Variants in FHIT observed in about 807,000 individuals in gnomAD.
The protein encoded by FHIT is fragile histidine triad diadenosine triphosphatase, also known as bis(5'-adenosyl)-triphosphatase.
Under a neutral mutation model 17.9 loss-of-function variants are expected in FHIT, and 19 were observed. The ratio of observed to expected loss-of-function variants is 1.06; its 90% confidence interval spans 0.74 to 1.56. The LOEUF (loss-of-function observed/expected upper bound fraction) is 1.56, where lower values mean the gene tolerates loss of function less well. Among genes scored for constraint, FHIT ranks in the 40% most tolerant of loss-of-function variants. FHIT has a pLI of 0.00. For synonymous variants in FHIT, 81 were observed against 69.7 expected, an observed-to-expected ratio of 1.16 and a Z score of -0.81; for missense variants, 248 against 189.2, an observed-to-expected ratio of 1.31 and a Z score of -1.82.
At chr3:60,547,547 A>C (rs565317281) in intron 4 of FHIT, among the ~76,000 whole-genome samples, 1 of 152,262 alleles carries the variant, frequency 6.6e-6, no homozygotes, top group East Asian at 1.9e-4. Flanking sequence ...ATATGATTTC[A>C]ACATTCTTAA....
intron 3 of FHIT, among the ~76,000 whole-genome samples, chr3:61,004,607 G>C (rs2031319209): frequency 6.6e-6 from 1 of 152,164 alleles, no homozygotes; most frequent in Non-Finnish European, 1.5e-5. Flanking sequence ...TATCTGCTTT[G>C]ATAGAGGAAC....
At chr3:60,899,025 C>T (rs1237374301) in intron 3 of FHIT, among the ~76,000 whole-genome samples, 1 of 152,156 alleles carries the variant, frequency 6.6e-6, no homozygotes, top group Non-Finnish European at 1.5e-5. Flanking sequence ...CAATAACATG[C>T]ATTTTTTTTC....
chr3:60,139,599 T>C (rs1176782128), intron 5 of FHIT, among the ~76,000 whole-genome samples: 2 of 152,156 alleles, frequency 1.3e-5, no homozygotes, highest in African/African-American at 2.4e-5. Flanking sequence ...ATTCATGTTC[T>C]TGCCTGCTTT....
intron 4 of FHIT, among the ~76,000 whole-genome samples, chr3:60,739,699 C>T (rs1302030564): frequency 2.0e-5 from 3 of 152,208 alleles, no homozygotes; most frequent in Non-Finnish European, 4.4e-5. Flanking sequence ...TGCCATATGT[C>T]TCTCAAGAGC....
At chr3:60,789,951 G>A (rs1298928847) in intron 4 of FHIT, among the ~76,000 whole-genome samples, 1 of 152,196 alleles carries the variant, frequency 6.6e-6, no homozygotes, top group Non-Finnish European at 1.5e-5. Context: ...TTTCCCAGAA[G>A]TGTAGCGTCA....
chr3:60,710,419 C>T (rs574716537), intron 4 of FHIT, among the ~76,000 whole-genome samples: 15 of 152,292 alleles, frequency 9.8e-5, no homozygotes, highest in South Asian at 2.1e-4. Flanking sequence ...AGACAGTGGG[C>T]GCAGGAGAGT....
chr3:59,836,521 T>C (rs1400086042), intron 8 of FHIT, among the ~76,000 whole-genome samples: 1 of 152,194 alleles, frequency 6.6e-6, no homozygotes, highest in African/African-American at 2.4e-5. Flanking sequence ...CCTCTGCACA[T>C]GCCATATGAG....
At chr3:59,754,900 A>T (rs2106748096) in intron 8 of FHIT, among the ~76,000 whole-genome samples, 1 of 152,230 alleles carries the variant, frequency 6.6e-6, no homozygotes, top group South Asian at 2.1e-4. Context: ...AGCGGCACTC[A>T]ACCCTGGTTG....
chr3:60,503,462 G>C (rs1040108555), intron 5 of FHIT, among the ~76,000 whole-genome samples: 3 of 152,064 alleles, frequency 2.0e-5, no homozygotes, highest in Non-Finnish European at 4.4e-5. Context: ...AGTTTTCTTT[G>C]AATACTTCAC....
At chr3:60,301,937 G>T (rs995112475) in intron 5 of FHIT, among the ~76,000 whole-genome samples, 1 of 151,998 alleles carries the variant, frequency 6.6e-6, no homozygotes, top group African/African-American at 2.4e-5. Flanking sequence ...ATTAAAAACT[G>T]TAAGAGTAAC....
At chr3:59,857,872 G>A (rs796447683) in intron 8 of FHIT, among the ~76,000 whole-genome samples, 19 of 152,228 alleles carry the variant, frequency 1.2e-4, no homozygotes, top group African/African-American at 3.9e-4. Context: ...GAGAAACCAG[G>A]TGGTGAAAGA....
At position 60,575,798 on chromosome 3, in the gene FHIT, G is replaced by C. The variant is rs115840491; in HGVS notation, c.-17-38819C>G. ...TTCACATGAAGAGTTGTGAATGAAA[G>C]TATGAGCAGTGCAAAGGAACAATGA... is the stretch of plus-strand genomic sequence containing the variant. On this transcript the variant is annotated intron_variant, in intron 4 of 9. Transcript: ENST00000492590. Among the ~76,000 whole-genome samples the C allele has an allele frequency of 5.5e-3, 838 of 152,224 alleles. 4 individuals carry two copies. Among genetic ancestry groups the C allele is most frequent in the African/African-American group, 0.019 (805 of 41,548 alleles).
In FHIT at chr3:61,138,384, A is replaced by T. The variant is rs76667544; in HGVS notation, c.-164+62233T>A. On this transcript the variant is annotated intron_variant, in intron 2 of 9. Coordinates refer to ENST00000492590, the MANE Select transcript of FHIT (RefSeq NM_002012.4). ...GGCCATGGGCTGAGCAGACACCAGAAACAAAAACCTGCTACAGCCACTAAC... is the reference window on the plus strand; with the variant it reads ...GGCCATGGGCTGAGCAGACACCAGATACAAAAACCTGCTACAGCCACTAAC... Among the ~76,000 whole-genome samples, 3,863 of 152,250 alleles carry T rather than the reference A, an allele frequency of 0.025. 281 individuals are homozygous for T. The East Asian group carries it at 0.28, about 11-fold the overall frequency.
intron 8 of FHIT, 79 bp from the exon 9 acceptor site, chr3:59,752,400 G>C (rs1233119875): frequency 9.0e-7 from 1 of 1,108,596 alleles, no homozygotes; most frequent in East Asian, 2.5e-5. Context: ...GGCTGGGGGA[G>C]ACTGAACAAA....
intron 8 of FHIT, among the ~76,000 whole-genome samples, chr3:59,889,038 T>TC (rs1260565372): frequency 2.6e-5 from 4 of 152,182 alleles, no homozygotes; most frequent in Non-Finnish European, 5.9e-5. Context: ...CATAACCTAA[T>TC]CACCTCTTCA....
At chr3:61,031,532 T>C (rs1220711344) in intron 3 of FHIT, among the ~76,000 whole-genome samples, 1 of 152,210 alleles carries the variant, frequency 6.6e-6, no homozygotes, top group African/African-American at 2.4e-5. Context: ...CCCCAACTCA[T>C]GTAAATTGAA....
At chr3:60,439,507 G>GT (rs370410657) in intron 5 of FHIT, among the ~76,000 whole-genome samples, 151 of 152,166 alleles carry the variant, frequency 9.9e-4, no homozygotes, top group African/African-American at 3.5e-3. Context: ...CCTGCTTTTA[G>GT]TTTTGGGTAC....
chr3:59,871,629 C>T (rs928502175), intron 8 of FHIT, among the ~76,000 whole-genome samples: 2 of 152,120 alleles, frequency 1.3e-5, no homozygotes, highest in African/African-American at 2.4e-5. Context: ...ATAATGACAG[C>T]CAGCCAGGAA....
intron 4 of FHIT, among the ~76,000 whole-genome samples, chr3:60,681,974 T>C (rs782693129): frequency 5.3e-4 from 46 of 87,228 alleles, no homozygotes; most frequent in Middle Eastern, 4.9e-3. Flanking sequence ...AAACAGCAGA[T>C]TTTTTTTTTT....
Sources: gnomAD v4.1 joint callset for allele counts (sites outside exome capture counted in the v4.1 genomes callset) on GRCh38, gnomAD v4.1.1 for gene constraint, MANE v1.5 for transcripts, NCBI Gene and HGNC (gene_info 2026-07-23, HGNC 2026-07-21) for gene names.